Variants in KMT2C observed in about 807,000 individuals in gnomAD.
KMT2C encodes lysine methyltransferase 2C, also known as histone-lysine N-methyltransferase 2C.
Under a neutral mutation model 507.9 loss-of-function variants are expected in KMT2C, and 88 were observed. The observed-to-expected ratio is 0.17, with a 90% CI of 0.15 to 0.21. KMT2C has a LOEUF of 0.21. Ranked by LOEUF, KMT2C falls within the 10% of genes least tolerant of loss-of-function variation. The probability of loss-of-function intolerance (pLI) is 1.00; values close to 1 mark genes in which losing one functional copy is unlikely to be tolerated. For missense variants in KMT2C, 4,954 were observed against 5,957.8 expected (o/e 0.83, Z 5.55); for synonymous variants, 2,049 against 2,080.8 (o/e 0.98, Z 0.42).
At chr7:152,203,640 C>G (rs1352364976) in intron 25 of KMT2C, among the ~76,000 whole-genome samples, 1 of 152,024 alleles carries the variant, frequency 6.6e-6, no homozygotes, top group Non-Finnish European at 1.5e-5. Flanking sequence ...ATGAAACTAG[C>G]AAAGAAACAA....
chr7:152,409,590 G>T (rs75748830), intron 1 of KMT2C, among the ~76,000 whole-genome samples: 1 of 107,314 alleles, frequency 9.3e-6, no homozygotes, highest in Non-Finnish European at 2.1e-5. Flanking sequence ...AATTAGCCAG[G>T]TGTGGTGGCG....
chr7:152,391,543 CTTTTTT>C (rs71198782), intron 1 of KMT2C, among the ~76,000 whole-genome samples: 4 of 97,224 alleles, frequency 4.1e-5, no homozygotes, highest in African/African-American at 1.2e-4. Flanking sequence ...CATGCCCGGC[CTTTTTT>C]TTTTTTTTTT....
intron 1 of KMT2C, among the ~76,000 whole-genome samples, chr7:152,425,367 G>A (rs2097805745): frequency 6.6e-6 from 1 of 152,192 alleles, no homozygotes; most frequent in South Asian, 2.1e-4. Flanking sequence ...CCTGAGGTCA[G>A]AAGTTCGAGA....
intron 34 of KMT2C, among the ~76,000 whole-genome samples, chr7:152,184,865 C>T (rs1227373634): frequency 6.6e-6 from 1 of 152,234 alleles, no homozygotes; most frequent in Non-Finnish European, 1.5e-5. Context: ...GAAGCCTCAA[C>T]CTCTCAAGTC....
chr7:152,165,330 TA>T (rs1431626963), intron 42 of KMT2C, among the ~76,000 whole-genome samples: 1 of 152,256 alleles, frequency 6.6e-6, no homozygotes, highest in Non-Finnish European at 1.5e-5. Flanking sequence ...ATTTTTCAAG[TA>T]TTAGCTTCTA....
At chr7:152,319,379 G>A (rs2096750696) in intron 3 of KMT2C, among the ~76,000 whole-genome samples, 1 of 152,152 alleles carries the variant, frequency 6.6e-6, no homozygotes, top group South Asian at 2.1e-4. Flanking sequence ...AATAGGAGCT[G>A]AGGGGACATA....
intron 1 of KMT2C, among the ~76,000 whole-genome samples, chr7:152,369,262 G>A (rs2097273050): frequency 6.6e-6 from 1 of 151,794 alleles, no homozygotes; most frequent in African/African-American, 2.4e-5. Context: ...AGCAGAGACT[G>A]CAGTGAACCA....
chr7:152,257,922 A>G (rs1265852710), intron 9 of KMT2C, among the ~76,000 whole-genome samples: 1 of 152,044 alleles, frequency 6.6e-6, no homozygotes, highest in Non-Finnish European at 1.5e-5. Flanking sequence ...AAATTTTATG[A>G]ATTTCTGTTG....
intron 2 of KMT2C, among the ~76,000 whole-genome samples, chr7:152,354,950 T>C (rs1374831772): frequency 1.3e-5 from 2 of 152,160 alleles, no homozygotes; most frequent in Non-Finnish European, 2.9e-5. Flanking sequence ...CTCTGGCTAC[T>C]ATGTGTGGGA....
intron 6 of KMT2C, among the ~76,000 whole-genome samples, chr7:152,297,055 CAG>C (rs769381866): frequency 0.042 from 3,520 of 83,750 alleles, 136 homozygotes; most frequent in African/African-American, 0.05. Context: ...GAAAGAAAGA[CAG>C]AGAGAGAGAG....
At chr7:152,304,259 A>G (rs1320377185) in intron 6 of KMT2C, among the ~76,000 whole-genome samples, 2 of 152,192 alleles carry the variant, frequency 1.3e-5, no homozygotes, top group African/African-American at 2.4e-5. Context: ...AAAATGATCT[A>G]ATTAGAAGTA....
intron 25 of KMT2C, among the ~76,000 whole-genome samples, chr7:152,204,873 T>C (rs557408884): frequency 6.6e-6 from 1 of 152,156 alleles, no homozygotes; most frequent in African/African-American, 2.4e-5. Flanking sequence ...ATAAAGTCTA[T>C]TGGATTTAAA....
intron 3 of KMT2C, among the ~76,000 whole-genome samples, chr7:152,324,891 TA>T (rs1440651729): frequency 6.6e-6 from 1 of 152,028 alleles, no homozygotes; most frequent in Non-Finnish European, 1.5e-5. Flanking sequence ...ACAGCATGTT[TA>T]AAAAATGTCA....
intron 9 of KMT2C, among the ~76,000 whole-genome samples, chr7:152,260,651 A>C (rs1439764910): frequency 1.3e-5 from 2 of 152,224 alleles, no homozygotes; most frequent in African/African-American, 2.4e-5. Context: ...ATAAGAAAGA[A>C]AAATTTGTAA....
rs185960979 is a variant in KMT2C, at chr7:152,226,370, C to T, written c.2977-1754G>A. On this transcript the variant is annotated intron_variant, in intron 18 of 58. Transcript: ENST00000262189. ...GGCTCAGCCTCCTGAGTAACTAGGA[C>T]TACAGGAATGAGCCACCACACCCAG... 8.6e-5 allele frequency among the ~76,000 whole-genome samples: 13 copies of T among 151,824 alleles called. No homozygotes were observed. The East Asian group carries it at 1.8e-3, about 20-fold the overall frequency.
intron 2 of KMT2C, among the ~76,000 whole-genome samples, chr7:152,337,304 T>G (rs575167369): frequency 1.3e-5 from 2 of 152,258 alleles, no homozygotes; most frequent in South Asian, 4.1e-4. Context: ...CCTAATCACA[T>G]GTAAGTAGAT....
At chr7:152,333,333 C>T (rs1563898817) in intron 2 of KMT2C, among the ~76,000 whole-genome samples, 1 of 152,214 alleles carries the variant, frequency 6.6e-6, no homozygotes, top group East Asian at 1.9e-4. Flanking sequence ...CACTATGTTG[C>T]CCAGGCTAGT....
At position 152,146,468 on chromosome 7, in the gene KMT2C, T is replaced by C. The variant is rs13223712; in HGVS notation, c.14031+131A>G. The C allele has an allele frequency of 5.0e-3, 4,258 of 850,076 alleles. 16 individuals are homozygous for C. The highest frequency in any genetic ancestry group is 7.1e-3 in the Non-Finnish European group (3,903 of 547,298). 52.7% of individuals were successfully genotyped at this position (850,076 alleles called of 1,614,324 possible). A position where few individuals can be genotyped will look rare whatever the true frequency, so the allele number is the denominator to read the frequency against. ...ATTAATCACCAATGCCTTATTCCTC[T>C]AAGAGAAACGGGTTAATGCACAGGC... On this transcript the variant is annotated intron_variant, in intron 53 of 58. Coordinates refer to ENST00000262189, the MANE Select transcript of KMT2C (RefSeq NM_170606.3).
intron 23 of KMT2C, among the ~76,000 whole-genome samples, chr7:152,219,268 C>G (rs1416303302): frequency 6.7e-5 from 10 of 148,576 alleles, no homozygotes; most frequent in Admixed American, 1.3e-4. Context: ...CTGCGCCTGG[C>G]CAGGCAATTC....
Sources: gnomAD v4.1 joint callset for allele counts (sites outside exome capture counted in the v4.1 genomes callset) on GRCh38, gnomAD v4.1.1 for gene constraint, MANE v1.5 for transcripts, NCBI Gene and HGNC (gene_info 2026-07-23, HGNC 2026-07-21) for gene names.